Variants in KLHL1 observed in about 807,000 individuals in gnomAD.
The protein encoded by KLHL1 is kelch-like protein 1.
In KLHL1, 47 loss-of-function variants were observed where a neutral mutation model predicts 77.7. That is an observed-to-expected ratio of 0.60 (90% CI 0.48 to 0.77). The LOEUF (loss-of-function observed/expected upper bound fraction) is 0.77. Among genes scored for constraint, KLHL1 ranks in the 30% least tolerant of loss-of-function variants. The probability of loss-of-function intolerance (pLI) is 0.00; values close to 1 mark genes in which losing one functional copy is unlikely to be tolerated. For missense variants in KLHL1, 925 were observed against 910.8 expected, an observed-to-expected ratio of 1.02 and a Z score of -0.20; for synonymous variants, 360 against 325.2, an observed-to-expected ratio of 1.11 and a Z score of -1.15.
chr13:69,749,697 A>T (rs74090443), intron 7 of KLHL1, among the ~76,000 whole-genome samples: 1,549 of 152,110 alleles, frequency 0.01, 29 homozygotes, highest in African/African-American at 0.035. Flanking sequence ...ATTGAAGAAG[A>T]TAATCTGTCT....
At chr13:69,779,757 T>C (rs1227501585) in intron 7 of KLHL1, among the ~76,000 whole-genome samples, 3 of 151,954 alleles carry the variant, frequency 2.0e-5, no homozygotes, top group Non-Finnish European at 4.4e-5. Context: ...AGTTATCTGC[T>C]CCAAAAACTT....
intron 4 of KLHL1, among the ~76,000 whole-genome samples, chr13:69,901,253 A>C (rs905390210): frequency 6.6e-6 from 1 of 152,252 alleles, no homozygotes; most frequent in East Asian, 1.9e-4. Flanking sequence ...AAGAACCCAC[A>C]TCACAAGAAA....
intron 5 of KLHL1, among the ~76,000 whole-genome samples, chr13:69,880,463 A>G (rs561271954): frequency 6.6e-6 from 1 of 152,256 alleles, no homozygotes; most frequent in South Asian, 2.1e-4. Flanking sequence ...TGCTACATTT[A>G]TGTCTATCGC....
intron 4 of KLHL1, among the ~76,000 whole-genome samples, chr13:69,898,255 G>A (rs1199066137): frequency 6.6e-6 from 1 of 152,158 alleles, no homozygotes; most frequent in Non-Finnish European, 1.5e-5. Context: ...TAAGCCTAAG[G>A]ATGAAATGTA....
At chr13:69,966,393 C>T (rs1005898258) in intron 2 of KLHL1, among the ~76,000 whole-genome samples, 2 of 152,046 alleles carry the variant, frequency 1.3e-5, no homozygotes, top group Non-Finnish European at 2.9e-5. Flanking sequence ...GACAGCACAT[C>T]GTTTGCAGAA....
chr13:70,063,873 T>G (rs955218186), intron 1 of KLHL1, among the ~76,000 whole-genome samples: 1 of 152,126 alleles, frequency 6.6e-6, no homozygotes, highest in African/African-American at 2.4e-5. Context: ...TTATATTATA[T>G]TTATAGGTGT....
chr13:69,879,550 C>T (rs375754687), intron 5 of KLHL1, among the ~76,000 whole-genome samples: 1 of 152,110 alleles, frequency 6.6e-6, no homozygotes, highest in East Asian at 1.9e-4. Flanking sequence ...CATGGACAAA[C>T]CTTACGTTAA....
At chr13:70,049,785 T>A (rs1439889405) in intron 1 of KLHL1, among the ~76,000 whole-genome samples, 3 of 152,108 alleles carry the variant, frequency 2.0e-5, no homozygotes, top group Non-Finnish European at 2.9e-5. Context: ...AACATCATGT[T>A]AGAAATTCAA....
chr13:69,957,090 G>A (rs558743727), intron 3 of KLHL1, among the ~76,000 whole-genome samples: 1 of 151,458 alleles, frequency 6.6e-6, no homozygotes, highest in Non-Finnish European at 1.5e-5. Flanking sequence ...CAAATCAAAG[G>A]CTTATTGAAG....
intron 10 of KLHL1, 78 bp from the exon 11 acceptor site, chr13:69,701,839 A>G (rs1252002945): frequency 2.1e-5 from 22 of 1,033,506 alleles, no homozygotes; most frequent in Non-Finnish European, 2.8e-5. Flanking sequence ...AAGATTATCT[A>G]CATGAAAATC....
chr13:69,779,351 CT>C (rs944309245), intron 7 of KLHL1, among the ~76,000 whole-genome samples: 1 of 137,420 alleles, frequency 7.3e-6, no homozygotes, highest in African/African-American at 2.7e-5. Flanking sequence ...CTTCCCTCCT[CT>C]TTTTTCCTTT....
intron 5 of KLHL1, among the ~76,000 whole-genome samples, chr13:69,874,195 C>T (rs2138181140): frequency 6.6e-6 from 1 of 152,230 alleles, no homozygotes; most frequent in Middle Eastern, 3.4e-3. Context: ...TTCCCTCTCA[C>T]AGTGTGTGCC....
chr13:69,980,037 A>G (rs183832131), intron 1 of KLHL1, among the ~76,000 whole-genome samples: 1 of 152,298 alleles, frequency 6.6e-6, no homozygotes, highest in African/African-American at 2.4e-5. Flanking sequence ...TGTTGTGGCT[A>G]TCTTTAGCAT....
intron 7 of KLHL1, among the ~76,000 whole-genome samples, chr13:69,789,020 TATCTATCTATCTATCTATCTATCTATC>T: frequency 2.9e-4 from 1 of 3,424 alleles, no homozygotes; most frequent in Non-Finnish European, 8.1e-4. Flanking sequence ...CACAGGACTC[TATCTATCTATCTATCTATCTATCTATC>T]TATCTATCTA....
intron 5 of KLHL1, among the ~76,000 whole-genome samples, chr13:69,855,311 GATAGATA>G (rs1879847031): frequency 8.3e-6 from 1 of 120,914 alleles, no homozygotes; most frequent in Non-Finnish European, 1.7e-5. Context: ...TAGATAGATA[GATAGATA>G]GATAGATAGA....
intron 10 of KLHL1, among the ~76,000 whole-genome samples, chr13:69,707,382 A>G (rs1332722426): frequency 2.0e-5 from 3 of 152,000 alleles, no homozygotes; most frequent in African/African-American, 7.2e-5. Context: ...TTGTTGTGGA[A>G]AATGAAAATC....
At position 69,701,280 on chromosome 13, in the gene KLHL1, T is replaced by C. The variant is rs1217926118; in HGVS notation, c.*422A>G. 1 of 154,274 alleles carries C rather than the reference T, an allele frequency of 6.5e-6. No individual in the cohort carries two copies. The highest frequency in any genetic ancestry group is 2.4e-5 in the African/African-American group (1 of 41,476). 9.6% of individuals were successfully genotyped at this position (154,274 alleles called of 1,614,324 possible). On this transcript the variant is annotated 3_prime_UTR_variant, in exon 11 of 11. Transcript: ENST00000377844. ...AGTAAACCAATCAGATACTGTCAGA[T>C]GAAATATTCTGTCTTCTACTCTTGG...
At chr13:70,090,286 G>C (rs1887641849) in intron 1 of KLHL1, among the ~76,000 whole-genome samples, 6 of 152,006 alleles carry the variant, frequency 3.9e-5, no homozygotes, top group Admixed American at 3.9e-4. Flanking sequence ...GAGTGTTTCT[G>C]AGGCTCCAAA....
intron 1 of KLHL1, among the ~76,000 whole-genome samples, chr13:70,102,736 A>C (rs948160085): frequency 6.6e-6 from 1 of 152,224 alleles, no homozygotes; most frequent in African/African-American, 2.4e-5. Flanking sequence ...TCATTATACC[A>C]GAGGGATACA....
Sources: gnomAD v4.1 joint callset for allele counts (sites outside exome capture counted in the v4.1 genomes callset) on GRCh38, gnomAD v4.1.1 for gene constraint, MANE v1.5 for transcripts, NCBI Gene and HGNC (gene_info 2026-07-23, HGNC 2026-07-21) for gene names.